ANKDD1A: variants seen among roughly 807,000 people sequenced by gnomAD.
ANKDD1A encodes the protein ankyrin repeat and death domain-containing protein 1A.
A neutral mutation model predicts 63.5 loss-of-function variants in ANKDD1A; 59 were observed. That is an observed-to-expected ratio of 0.93 (90% CI 0.75 to 1.15). ANKDD1A has a LOEUF of 1.15. Ranked by LOEUF, ANKDD1A falls within the 50% of genes most tolerant of loss-of-function variation. The probability of loss-of-function intolerance (pLI) is 0.00; values close to 1 mark genes in which losing one functional copy is unlikely to be tolerated. For missense variants in ANKDD1A, 632 were observed against 656.4 expected (o/e 0.96, Z 0.41); for synonymous variants, 266 against 263.9 (o/e 1.01, Z -0.08).
At chr15:64,944,571 A>G in intron 11 of ANKDD1A, 81 bp from the exon 12 acceptor site, 1 of 1,306,186 alleles carries the variant, frequency 7.7e-7, no homozygotes, top group East Asian at 2.5e-5. Flanking sequence ...TGTGGGCAGG[A>G]GGGTTTGTCC....
intron 13 of ANKDD1A, among the ~76,000 whole-genome samples, chr15:64,948,780 C>G (rs930401429): frequency 6.6e-6 from 1 of 151,580 alleles, no homozygotes; most frequent in South Asian, 2.1e-4. Context: ...GAGCCGAGAT[C>G]CCACCACTAC....
intron 6 of ANKDD1A, among the ~76,000 whole-genome samples, chr15:64,930,413 G>A (rs1371938642): frequency 6.6e-6 from 1 of 152,156 alleles, no homozygotes; most frequent in East Asian, 1.9e-4. Flanking sequence ...GTGTGGCCCG[G>A]GCAGGCCATG....
chr15:64,951,544 T>TC (rs2085276830), intron 14 of ANKDD1A: 1 of 87,176 alleles, frequency 1.1e-5, no homozygotes, highest in African/African-American at 4.4e-5. Context: ...TCCCTCTTCT[T>TC]TCTTCTCTTC....
chr15:64,952,648 T>TCTTTCTTCTTCCTTCTGCTC (rs587634921), intron 14 of ANKDD1A, among the ~76,000 whole-genome samples: 1 of 141,768 alleles, frequency 7.1e-6, no homozygotes, highest in Non-Finnish European at 1.5e-5. Flanking sequence ...TTCTTCTCCT[T>TCTTTCTTCTTCCTTCTGCTC]CTCCTTCTTC....
chr15:64,917,441 G>A lies in ANKDD1A; in HGVS notation c.194G>A (p.Arg65His), dbSNP rs374847520. 2.9e-5 allele frequency: 47 copies of A among 1,609,826 alleles called. No individual in the cohort carries two copies. In the Middle Eastern group the frequency reaches 5.5e-4, roughly 19 times the overall value. Residue 65 changes from arginine (R) to histidine (H), a missense_variant, in exon 3 of 15, where the codon CGT becomes CAT. Arg to His is a conservative substitution (Grantham distance 29, BLOSUM62 0). Transcript: ENST00000319580. ...AAGAGHEQAVRLLLEHEAAVD... is the reference protein window; with the variant it reads ...AAGAGHEQAVHLLLEHEAAVD... ...GGTGCAGGGCACGAGCAGGCTGTGC[G>A]TCTGCTTCTGGAGCACGAGGCTGCT...
intron 1 of ANKDD1A, among the ~76,000 whole-genome samples, chr15:64,915,471 A>G (rs832878): frequency 0.28 from 41,925 of 152,072 alleles, 10,847 homozygotes; most frequent in African/African-American, 0.68. Context: ...TTCCTTCCCC[A>G]AGAGCAGCTC....
intron 9 of ANKDD1A, among the ~76,000 whole-genome samples, chr15:64,941,973 T>A (rs59329549): frequency 0.87 from 132,119 of 152,174 alleles, 59,169 homozygotes; most frequent in East Asian, 0.99. Flanking sequence ...GTCCAATAAG[T>A]CATCGTTCCT....
At position 64,930,818 on chromosome 15, in the gene ANKDD1A, G is replaced by T; in HGVS notation, c.571-4G>T. On this transcript the variant is annotated splice_region_variant and splice_polypyrimidine_tract_variant and intron_variant, in intron 6 of 14. Coordinates refer to ENST00000319580, the MANE Select transcript of ANKDD1A (RefSeq NM_182703.6). ...TGGCCTCTCAGGAGCCCTTTTTCCTGCAGGAGGGGAACACTGCCCTTCATC... is the reference window on the plus strand; with the variant it reads ...TGGCCTCTCAGGAGCCCTTTTTCCTTCAGGAGGGGAACACTGCCCTTCATC... 3 of 1,610,878 alleles carry T rather than the reference G, an allele frequency of 1.9e-6. No individual in the cohort carries two copies. Among genetic ancestry groups the T allele is most frequent in the African/African-American group, 1.3e-5 (1 of 74,962 alleles).
chr15:64,953,288 CTTCT>C (rs1350596147), intron 14 of ANKDD1A, among the ~76,000 whole-genome samples: 55 of 142,582 alleles, frequency 3.9e-4, no homozygotes, highest in African/African-American at 1.2e-3. Context: ...TTCCTTCTTC[CTTCT>C]TTCTTCTTCT....
intron 3 of ANKDD1A, among the ~76,000 whole-genome samples, chr15:64,917,787 A>G (rs1010050460): frequency 6.6e-6 from 1 of 152,220 alleles, no homozygotes; most frequent in African/African-American, 2.4e-5. Flanking sequence ...GGGCTGTAGA[A>G]CAGATAATTG....
At chr15:64,941,179 T>A (rs1279894859) in intron 9 of ANKDD1A, among the ~76,000 whole-genome samples, 1 of 152,242 alleles carries the variant, frequency 6.6e-6, no homozygotes, top group East Asian at 1.9e-4. Context: ...CTAGAATATC[T>A]TTTTTAAAAT....
chr15:64,915,763 C>T (rs779722992), intron 1 of ANKDD1A, 34 bp from the exon 2 acceptor site: 4 of 1,571,874 alleles, frequency 2.5e-6, no homozygotes, highest in South Asian at 1.1e-5. Flanking sequence ...GGGGCATCCT[C>T]CCCCTCATCC....
chr15:64,953,397 TCCTTTTCTTC>T, intron 14 of ANKDD1A, among the ~76,000 whole-genome samples: 1 of 145,028 alleles, frequency 6.9e-6, no homozygotes, highest in Non-Finnish European at 1.5e-5. Context: ...TTCTTAGTTC[TCCTTTTCTTC>T]TCCTCCTCCT....
At chr15:64,923,018 T>C (rs2085018913) in intron 4 of ANKDD1A, among the ~76,000 whole-genome samples, 1 of 152,228 alleles carries the variant, frequency 6.6e-6, no homozygotes, top group African/African-American at 2.4e-5. Flanking sequence ...ACACATATGT[T>C]ACTAGATTGA....
chr15:64,926,821 G>T, intron 5 of ANKDD1A, 80 bp from the exon 6 acceptor site: 1 of 1,484,402 alleles, frequency 6.7e-7, no homozygotes, highest in Non-Finnish European at 9.4e-7. Context: ...AGTGGTTGGG[G>T]AACAGAGGCC....
chr15:64,947,598 C>T lies in ANKDD1A; in HGVS notation c.1351+5C>T, dbSNP rs754162857. On this transcript the variant is annotated splice_donor_5th_base_variant and intron_variant, in intron 13 of 14. Coordinates refer to ENST00000319580, the MANE Select transcript of ANKDD1A (RefSeq NM_182703.6). ...CCATCGAGCAACAGTGGACAGGTAC[C>T]ACCTTGCCTCTCCTCGCCCTAAGCA... 6.2e-7 allele frequency: 1 copy of T among 1,613,220 alleles called. No homozygotes were observed. Among genetic ancestry groups the T allele is most frequent in the Non-Finnish European group, 8.5e-7 (1 of 1,179,654 alleles).
intron 14 of ANKDD1A, chr15:64,950,564 C>T (rs1239908001): frequency 7.1e-6 from 7 of 985,284 alleles, no homozygotes; most frequent in South Asian, 4.7e-5. Context: ...TACCCACTGA[C>T]GTGGTACATA....
intron 14 of ANKDD1A, among the ~76,000 whole-genome samples, chr15:64,954,799 G>C (rs1566919222): frequency 7.6e-6 from 1 of 132,396 alleles, no homozygotes; most frequent in South Asian, 2.4e-4. Flanking sequence ...CTCCTTAGTT[G>C]TTCTTCTTCC....
intron 9 of ANKDD1A, among the ~76,000 whole-genome samples, chr15:64,935,927 A>C (rs989143036): frequency 2.0e-5 from 3 of 152,204 alleles, no homozygotes; most frequent in African/African-American, 4.8e-5. Context: ...AGCTGAATTA[A>C]ATAATTAAAA....
Sources: allele counts gnomAD v4.1 joint callset (sites outside exome capture counted in the v4.1 genomes callset), GRCh38; gene constraint gnomAD v4.1.1; transcripts MANE v1.5; gene names NCBI Gene and HGNC (gene_info 2026-07-23, HGNC 2026-07-21).